The following MALRD1 variants were observed in gnomAD, a reference collection of about 807,000 sequenced individuals.
The protein encoded by MALRD1 is MAM and LDL-receptor class A domain-containing protein 1.
A neutral mutation model predicts 242.1 loss-of-function variants in MALRD1; 247 were observed. That is an observed-to-expected ratio of 1.02 (90% confidence interval 0.92 to 1.13). The LOEUF (loss-of-function observed/expected upper bound fraction) is 1.13. Ranked by LOEUF, MALRD1 falls within the 50% of genes most tolerant of loss-of-function variation. The pLI is 0.00. For synonymous variants in MALRD1, 995 were observed against 866.6 expected (o/e 1.15, Z -2.60); for missense variants, 2,989 against 2,533.1 (o/e 1.18, Z -3.86).
chr10:19,538,272 G>C (rs1261367791), intron 32 of MALRD1, among the ~76,000 whole-genome samples: 2 of 152,116 alleles, frequency 1.3e-5, no homozygotes, highest in Non-Finnish European at 2.9e-5. Context: ...CATCATAAAT[G>C]ACTGATAATC....
intron 18 of MALRD1, among the ~76,000 whole-genome samples, chr10:19,255,982 G>A (rs570723917): frequency 6.6e-6 from 1 of 151,896 alleles, no homozygotes; most frequent in African/African-American, 2.4e-5. Context: ...TGGAACAATT[G>A]ACTCCAAACA....
At chr10:19,063,859 G>T (rs1834894325) in intron 1 of MALRD1, among the ~76,000 whole-genome samples, 1 of 151,612 alleles carries the variant, frequency 6.6e-6, no homozygotes, top group Non-Finnish European at 1.5e-5. Context: ...CGAGTTAATG[G>T]GTGCAGCACA....
chr10:19,282,466 G>A (rs982992977), intron 20 of MALRD1, among the ~76,000 whole-genome samples: 3 of 151,926 alleles, frequency 2.0e-5, no homozygotes, highest in Non-Finnish European at 4.4e-5. Flanking sequence ...AACACATTCG[G>A]AGAGAGAATT....
At chr10:19,480,926 T>C (rs1349142938) in intron 29 of MALRD1, among the ~76,000 whole-genome samples, 3 of 152,166 alleles carry the variant, frequency 2.0e-5, no homozygotes, top group Non-Finnish European at 4.4e-5. Context: ...GTTCTAAAAT[T>C]ATATGAAGAA....
intron 33 of MALRD1, among the ~76,000 whole-genome samples, chr10:19,569,439 C>T (rs890643505): frequency 6.6e-6 from 1 of 151,770 alleles, no homozygotes; most frequent in African/African-American, 2.4e-5. Context: ...GGGCCTTCAC[C>T]TGTCTCCAAA....
intron 18 of MALRD1, among the ~76,000 whole-genome samples, chr10:19,215,731 A>G (rs1298005212): frequency 1.1e-5 from 1 of 87,900 alleles, no homozygotes; most frequent in Non-Finnish European, 2.8e-5. Context: ...ATTAGTATAA[A>G]TAATTTAGTA....
At chr10:19,641,974 A>G (rs1460727221) in intron 36 of MALRD1, among the ~76,000 whole-genome samples, 1 of 152,158 alleles carries the variant, frequency 6.6e-6, no homozygotes, top group Non-Finnish European at 1.5e-5. Context: ...TTTGAGTGAA[A>G]AAAAAGATTA....
At position 19,148,822 on chromosome 10, in the gene MALRD1, A is replaced by G. The variant is rs1251646973; in HGVS notation, c.1558+2478A>G. ...ATATATATATATATCTGGATCACGG[A>G]GTCAACATCTCTTTACCCATGATTG... On this transcript the variant is annotated intron_variant, in intron 11 of 39. Transcript: ENST00000454679. 1.4e-5 allele frequency among the ~76,000 whole-genome samples: 2 copies of G among 138,816 alleles called. 1 individual carries two copies. The highest frequency in any genetic ancestry group is 3.2e-5 in the Non-Finnish European group (2 of 63,348). 91.1% of individuals were successfully genotyped at this position (138,816 alleles called of 152,430 possible). A position where few individuals can be genotyped will look rare whatever the true frequency, so the allele number is the denominator to read the frequency against.
intron 31 of MALRD1, among the ~76,000 whole-genome samples, chr10:19,528,301 C>T (rs1370714362): frequency 6.6e-6 from 1 of 152,100 alleles, no homozygotes; most frequent in Admixed American, 6.6e-5. Flanking sequence ...TTATCTTACT[C>T]AAATAAAATT....
chr10:19,713,596 A>G (rs1834244673), intron 38 of MALRD1, among the ~76,000 whole-genome samples: 1 of 152,252 alleles, frequency 6.6e-6, no homozygotes, highest in African/African-American at 2.4e-5. Flanking sequence ...GGTGGTTGCT[A>G]AGGGCAATCA....
At chr10:19,141,236 C>T (rs978180281) in intron 10 of MALRD1, among the ~76,000 whole-genome samples, 1 of 152,188 alleles carries the variant, frequency 6.6e-6, no homozygotes, top group Non-Finnish European at 1.5e-5. Flanking sequence ...ACACACGCTA[C>T]AACATGGATG....
At chr10:19,617,515 A>G (rs1839213626) in intron 36 of MALRD1, among the ~76,000 whole-genome samples, 1 of 152,030 alleles carries the variant, frequency 6.6e-6, no homozygotes, top group Non-Finnish European at 1.5e-5. Context: ...TCCATATTGT[A>G]ATAGCTTAGC....
In MALRD1 at chr10:19,171,457, T is replaced by TATATATATATATACAC. The variant is rs1166665866; in HGVS notation, c.1831-3750_1831-3749insTATATATATATACACA. The stretch of plus-strand genomic sequence containing the variant: ...ATATATATATATATATATATATATA[T>TATATATATATATACAC]ACACACATGTATATACACACACACA... On this transcript the variant is annotated intron_variant, in intron 13 of 39. Transcript: ENST00000454679. Among the ~76,000 whole-genome samples, 14 of 74,542 alleles carry TATATATATATATACAC rather than the reference T, an allele frequency of 1.9e-4. 1 individual carries two copies. Among genetic ancestry groups the TATATATATATATACAC allele is most frequent in the East Asian group, 1.8e-3 (5 of 2,742 alleles). 48.9% of individuals were successfully genotyped at this position (74,542 alleles called of 152,430 possible).
chr10:19,668,240 C>A (rs944828912), intron 36 of MALRD1, among the ~76,000 whole-genome samples: 5 of 152,176 alleles, frequency 3.3e-5, no homozygotes, highest in African/African-American at 1.2e-4. Context: ...GGGACACCAG[C>A]AGTCACTCTT....
intron 31 of MALRD1, among the ~76,000 whole-genome samples, chr10:19,512,918 G>A (rs958313915): frequency 2.6e-5 from 4 of 152,110 alleles, no homozygotes; most frequent in Admixed American, 6.5e-5. Context: ...CAGGAAGGAC[G>A]AAGTGGTCAT....
chr10:19,230,815 A>C (rs1007354992), intron 18 of MALRD1, among the ~76,000 whole-genome samples: 17 of 152,210 alleles, frequency 1.1e-4, no homozygotes, highest in African/African-American at 4.1e-4. Flanking sequence ...AAACACATGA[A>C]ATGCAAGGCA....
intron 25 of MALRD1, among the ~76,000 whole-genome samples, chr10:19,350,415 C>T (rs569215539): frequency 2.5e-4 from 38 of 151,494 alleles, no homozygotes; most frequent in African/African-American, 4.9e-5. Context: ...GGACTGCAGT[C>T]GCACACCACC....
intron 19 of MALRD1, among the ~76,000 whole-genome samples, chr10:19,271,994 G>A (rs1292730352): frequency 2.0e-5 from 3 of 152,078 alleles, no homozygotes; most frequent in African/African-American, 4.8e-5. Flanking sequence ...TTATTCATGT[G>A]TAATAAAAAT....
chr10:19,472,370 A>G (rs1171158053), intron 29 of MALRD1, among the ~76,000 whole-genome samples: 3 of 151,856 alleles, frequency 2.0e-5, no homozygotes, highest in African/African-American at 7.2e-5. Context: ...CTTTTCTTGT[A>G]GTGTTTTTGT....
Sources: allele counts gnomAD v4.1 joint callset (sites outside exome capture counted in the v4.1 genomes callset), GRCh38; gene constraint gnomAD v4.1.1; transcripts MANE v1.5; gene names NCBI Gene and HGNC (gene_info 2026-07-23, HGNC 2026-07-21).